The following ERCC3 variants were observed in gnomAD, a reference collection of about 807,000 sequenced individuals.
ERCC3 encodes the protein general transcription and DNA repair factor IIH helicase/translocase subunit XPB.
In ERCC3, 66 loss-of-function variants were observed where a neutral mutation model predicts 94.2. The ratio of observed to expected loss-of-function variants is 0.70; its 90% confidence interval spans 0.57 to 0.86. ERCC3 has a LOEUF of 0.86. ERCC3 is among the 40% of genes least tolerant of loss of function. The probability of loss-of-function intolerance (pLI) is 0.00; values close to 1 mark genes in which losing one functional copy is unlikely to be tolerated. For synonymous variants in ERCC3, 349 were observed against 369.1 expected (o/e 0.95, Z 0.63); for missense variants, 829 against 987.1 (o/e 0.84, Z 2.15).
intron 12 of ERCC3, among the ~76,000 whole-genome samples, chr2:127,263,705 C>CTT (rs869251137): frequency 7.9e-5 from 7 of 88,756 alleles, no homozygotes; most frequent in Admixed American, 2.1e-4. Context: ...TGTTCCAGTT[C>CTT]TTTTTTTTTT....
chr2:127,257,484 T>C lies in ERCC3; in HGVS notation c.*112A>G. ...TTGATGCATCTTCCTCAGCACAATT[T>C]GGCCAACGCTGGAGGGAAGGTCAAA... On this transcript the variant is annotated 3_prime_UTR_variant, in exon 15 of 15. Transcript: ENST00000285398. The surrounding 1 kb of genome is among the most constrained non-coding windows in gnomAD (Gnocchi z 5.4). 7.4e-7 allele frequency: 1 copy of C among 1,346,426 alleles called. No homozygotes were observed. Among genetic ancestry groups the C allele is most frequent in the East Asian group, 2.3e-5 (1 of 43,674 alleles). The allele number at this position is 1,346,426 out of a possible 1,614,324, so 83.4% of individuals were successfully genotyped here. A position where few individuals can be genotyped will look rare whatever the true frequency, so the allele number is the denominator to read the frequency against.
intron 8 of ERCC3, among the ~76,000 whole-genome samples, chr2:127,286,141 C>T (rs750927293): frequency 5.9e-5 from 9 of 152,064 alleles, no homozygotes; most frequent in South Asian, 2.1e-4. Flanking sequence ...CATTAAAAAA[C>T]GGATGAAGCT....
intron 2 of ERCC3, among the ~76,000 whole-genome samples, chr2:127,293,200 G>T (rs1685337526): frequency 6.6e-6 from 1 of 152,226 alleles, no homozygotes; most frequent in South Asian, 2.1e-4. Flanking sequence ...TCCATTATTT[G>T]AGGAAACAAA....
At chr2:127,278,438 T>C (rs894663369) in intron 10 of ERCC3, among the ~76,000 whole-genome samples, 1 of 152,206 alleles carries the variant, frequency 6.6e-6, no homozygotes, top group Non-Finnish European at 1.5e-5. Context: ...TTTTAGAAAC[T>C]TAAGAAATTT....
At chr2:127,275,597 G>C (rs1177916137) in intron 10 of ERCC3, among the ~76,000 whole-genome samples, 1 of 152,198 alleles carries the variant, frequency 6.6e-6, no homozygotes, top group Non-Finnish European at 1.5e-5. Context: ...GTAGGTGGGG[G>C]AGGCCCCTGG....
intron 4 of ERCC3, 166 bp downstream of exon 4, chr2:127,290,058 C>T (rs1685214894): frequency 2.6e-6 from 2 of 773,972 alleles, no homozygotes; most frequent in Admixed American, 4.2e-5. Context: ...ATACAGTGGC[C>T]AGTGGATGAG....
rs56015969 is a variant in ERCC3, at chr2:127,280,780, G to A, written c.1343-149C>T. 37 of 721,106 alleles carry A rather than the reference G, an allele frequency of 5.1e-5. No individual in the cohort carries two copies. Among genetic ancestry groups the A allele is most frequent in the East Asian group, 1.9e-4 (7 of 36,790 alleles). 44.7% of individuals were successfully genotyped at this position (721,106 alleles called of 1,614,324 possible). A position where few individuals can be genotyped will look rare whatever the true frequency, so the allele number is the denominator to read the frequency against. ...GGCCTCAAGCAATCCCCCTGCCTTC[G>A]CCTCCCAAAGTGCTGGGATTACAGA... On this transcript the variant is annotated intron_variant, in intron 8 of 14. Coordinates refer to ENST00000285398, the MANE Select transcript of ERCC3 (RefSeq NM_000122.2). The surrounding 1 kb of genome is among the most constrained non-coding windows in gnomAD (Gnocchi z 6.3).
chr2:127,289,083 C>T (rs930373886), intron 6 of ERCC3, among the ~76,000 whole-genome samples: 2 of 152,216 alleles, frequency 1.3e-5, no homozygotes, highest in African/African-American at 4.8e-5. Flanking sequence ...AATTGACCTT[C>T]AGGCACCATT....
chr2:127,289,267 C>T (rs377723765), intron 6 of ERCC3, 70 bp downstream of exon 6: 51 of 1,401,202 alleles, frequency 3.6e-5, no homozygotes, highest in Middle Eastern at 4.0e-4. Flanking sequence ...CAGGCAGAGT[C>T]GACACATGGC....
chr2:127,290,351 C>A, intron 3 of ERCC3, 78 bp from the exon 4 acceptor site: 1 of 1,183,138 alleles, frequency 8.5e-7, no homozygotes, highest in Non-Finnish European at 1.3e-6. Flanking sequence ...CATCTTACAC[C>A]TACCAACCAA....
At chr2:127,286,545 C>CAACAAAAAA (rs1685072600) in intron 8 of ERCC3, among the ~76,000 whole-genome samples, 158 bp downstream of exon 8, 1 of 125,798 alleles carries the variant, frequency 7.9e-6, no homozygotes. Context: ...GACTCCCTCT[C>CAACAAAAAA]AAAAAAAAAA....
intron 3 of ERCC3, 53 bp downstream of exon 3, chr2:127,292,557 C>T (rs1685306941): frequency 2.6e-6 from 3 of 1,138,242 alleles, no homozygotes; most frequent in African/African-American, 3.0e-5. Flanking sequence ...GCACCTATGC[C>T]TATTGTTACA....
chr2:127,293,913 C>T (rs772772943), intron 1 of ERCC3, 141 bp downstream of exon 1: 3 of 1,527,200 alleles, frequency 2.0e-6, no homozygotes, highest in Non-Finnish European at 2.6e-6. Context: ...TCTCTCCCGC[C>T]CAAAGGCCTG....
Position 127,286,748 on chromosome 2 carries a change from G to T in ERCC3, c.1297C>A (p.Gln433Lys), listed in dbSNP as rs766583866. ...AERVMEWLKT[Q>K]EWGLMILDEV... The stretch of plus-strand genomic sequence containing the variant: ...TCCAGGATCATGAGGCCCCACTCCT[G>T]GGTCTTGAGCCACTCCATGACTCGC... Residue 433 changes from glutamine to lysine, a missense_variant, in exon 8 of 15, where the codon CAG (glutamine) becomes AAG (lysine). By Grantham distance (53) the Gln-to-Lys change is moderately conservative. Transcript: ENST00000285398. The T allele has an allele frequency of 3.1e-6, 5 of 1,614,100 alleles. No homozygotes were observed. In the South Asian group the frequency reaches 5.5e-5, roughly 18 times the overall value.
chr2:127,279,846 T>C lies in ERCC3; in HGVS notation c.1528-471A>G, dbSNP rs145777107. ...AAACTAAACCCAACCTAATACCTCCTATTGAACTGGACGTTTTCACATGTT... is the reference window on the plus strand; with the variant it reads ...AAACTAAACCCAACCTAATACCTCCCATTGAACTGGACGTTTTCACATGTT... On this transcript the variant is annotated intron_variant, in intron 9 of 14. Transcript: ENST00000285398. This position sits in a 1 kb window ranked among gnomAD's most constrained non-coding sequence, Gnocchi z 4.7. 6.6e-5 allele frequency among the ~76,000 whole-genome samples: 10 copies of C among 152,272 alleles called. No individual in the cohort carries two copies. Among genetic ancestry groups the C allele is most frequent in the African/African-American group, 2.4e-4 (10 of 41,548 alleles).
Position 127,280,457 on chromosome 2 carries a change from T to C in ERCC3, c.1517A>G (p.Gln506Arg), listed in dbSNP as rs539089848. ...LQNNGYIAKV[Q>R]CAEVWCPMSP... Reference sequence around the variant, plus strand: ...CCCAGGCCCAGCTACCTCAGCACACTGGACTTTGGCGATGTAGCCATTATT... The same window carrying C: ...CCCAGGCCCAGCTACCTCAGCACACCGGACTTTGGCGATGTAGCCATTATT... The change falls in exon 9 of 15, where the codon CAG becomes CGG. Residue 506 changes from glutamine to arginine, a missense_variant. By Grantham distance (43) the Gln-to-Arg change is conservative. Coordinates refer to ENST00000285398, the MANE Select transcript of ERCC3 (RefSeq NM_000122.2). The surrounding 1 kb of genome is among the most constrained non-coding windows in gnomAD (Gnocchi z 6.3). 2 of 1,612,288 alleles carry C rather than the reference T, an allele frequency of 1.2e-6. No individual in the cohort carries two copies. The highest frequency in any genetic ancestry group is 1.7e-4 in the Middle Eastern group (1 of 5,794).
chr2:127,266,514 T>C (rs1237143978), intron 12 of ERCC3, among the ~76,000 whole-genome samples: 2 of 151,484 alleles, frequency 1.3e-5, no homozygotes, highest in Non-Finnish European at 2.9e-5. Context: ...ATTTTTTGTA[T>C]TTTTAGTAGA....
intron 12 of ERCC3, among the ~76,000 whole-genome samples, chr2:127,270,495 A>G (rs1417813352): frequency 6.6e-6 from 1 of 152,210 alleles, no homozygotes; most frequent in Non-Finnish European, 1.5e-5. Context: ...AGTCCATGCT[A>G]TCTGCCTCAT....
chr2:127,260,433 AAC>A (rs1684155737), intron 13 of ERCC3: 1 of 152,206 alleles, frequency 6.6e-6, no homozygotes, highest in Non-Finnish European at 1.5e-5. Context: ...TCCTCCAAAA[AAC>A]TGGGCTCAAA....
Sources: allele counts gnomAD v4.1 joint callset (sites outside exome capture counted in the v4.1 genomes callset), GRCh38; gene constraint gnomAD v4.1.1; non-coding constraint Gnocchi (gnomAD v3.1); transcripts MANE v1.5; gene names NCBI Gene and HGNC (gene_info 2026-07-23, HGNC 2026-07-21).